Variants in ZSCAN5A observed in about 807,000 individuals in gnomAD.
ZSCAN5A encodes zinc finger and SCAN domain containing 5A, also known as zinc finger and SCAN domain-containing protein 5A.
Under a neutral mutation model 23.7 loss-of-function variants are expected in ZSCAN5A, and 12 were observed. The ratio of observed to expected loss-of-function variants is 0.51; its 90% CI spans 0.32 to 0.82. The LOEUF is 0.82. Ranked by LOEUF, ZSCAN5A falls within the 40% of genes least tolerant of loss-of-function variation. The probability of loss-of-function intolerance (pLI) is 0.03; values close to 1 mark genes in which losing one functional copy is unlikely to be tolerated. For missense variants in ZSCAN5A, 597 were observed against 617.9 expected (o/e 0.97, Z 0.36); for synonymous variants, 257 against 239.9 (o/e 1.07, Z -0.66).
chr19:56,226,528 C>A (rs1344205095), intron 2 of ZSCAN5A, among the ~76,000 whole-genome samples: 1 of 152,126 alleles, frequency 6.6e-6, no homozygotes, highest in Non-Finnish European at 1.5e-5. Context: ...ACCCCTCACG[C>A]CTGCTAGAGT....
chr19:56,271,071 G>A (rs115046224), intron 2 of ZSCAN5A, among the ~76,000 whole-genome samples: 89 of 152,372 alleles, frequency 5.8e-4, no homozygotes, highest in African/African-American at 2.0e-3. Context: ...GTTAGGGACT[G>A]TGATTATATT....
intron 2 of ZSCAN5A, among the ~76,000 whole-genome samples, chr19:56,327,829 G>T (rs2147432695): frequency 6.6e-6 from 1 of 152,002 alleles, no homozygotes; most frequent in East Asian, 1.9e-4. Context: ...TATTACATAT[G>T]CATAGTTGTG....
intron 2 of ZSCAN5A, among the ~76,000 whole-genome samples, chr19:56,301,707 G>C (rs1421633274): frequency 6.6e-6 from 1 of 152,114 alleles, no homozygotes; most frequent in Non-Finnish European, 1.5e-5. Flanking sequence ...TGAGAAATCT[G>C]GGCAAGACAG....
intron 2 of ZSCAN5A, among the ~76,000 whole-genome samples, chr19:56,256,661 G>C: frequency 6.6e-6 from 1 of 152,192 alleles, no homozygotes. Flanking sequence ...ACATGGGTGT[G>C]GCATGATTCA....
intron 2 of ZSCAN5A, among the ~76,000 whole-genome samples, chr19:56,253,032 G>A (rs766507259): frequency 1.4e-4 from 22 of 152,240 alleles, no homozygotes; most frequent in Non-Finnish European, 2.5e-4. Context: ...TCCCTGCAAA[G>A]TTGCCAGGAC....
At position 56,222,049 on chromosome 19, in the gene ZSCAN5A, C is replaced by G; in HGVS notation, c.1017G>C (p.Ala339=). The G allele has an allele frequency of 1.2e-6, 2 of 1,614,166 alleles. No homozygotes were observed. The highest frequency in any genetic ancestry group is 1.7e-6 in the Non-Finnish European group (2 of 1,180,036). Residue 339 remains alanine, a synonymous_variant, in exon 6 of 6, where the codon GCG becomes GCC. Transcript: ENST00000683990. The stretch of plus-strand genomic sequence containing the variant: ...GGCCATCCGGGTGACTGACTGGGCT[C>G]GCAGGGCCTGGGGAATGAATTGAAT... ...GMNSIHSPGP[A]SPVSHPDGQE...
At chr19:56,227,203 G>C (rs1321867902) in intron 2 of ZSCAN5A, among the ~76,000 whole-genome samples, 2 of 152,146 alleles carry the variant, frequency 1.3e-5, no homozygotes, top group Admixed American at 6.5e-5. Context: ...TAGTACATGA[G>C]GTAGGGCATA....
intron 2 of ZSCAN5A, among the ~76,000 whole-genome samples, chr19:56,270,272 G>C (rs1292050467): frequency 2.6e-5 from 4 of 152,090 alleles, no homozygotes; most frequent in African/African-American, 9.7e-5. Flanking sequence ...ACAAAAATTA[G>C]CCAGGTGTGG....
Position 56,243,996 on chromosome 19 carries a change from A to T in ZSCAN5A, c.-127-18823T>A, listed in dbSNP as rs117264390. On this transcript the variant is annotated intron_variant, in intron 2 of 5. Transcript: ENST00000683990. ...GATAGGTCTCAATTAGACACCAGCT[A>T]CTGGAAGAACTTTCTCAGAGACTGA... 1,562 of 691,516 alleles carry T rather than the reference A, an allele frequency of 2.3e-3. 7 individuals are homozygous for T. The highest frequency in any genetic ancestry group is 2.2e-3 in the Non-Finnish European group (865 of 394,778). 42.8% of individuals were successfully genotyped at this position (691,516 alleles called of 1,614,324 possible).
chr19:56,303,472 A>G (rs1196824218), intron 2 of ZSCAN5A, among the ~76,000 whole-genome samples: 1 of 151,634 alleles, frequency 6.6e-6, no homozygotes, highest in Non-Finnish European at 1.5e-5. Context: ...TGTCTCAAAA[A>G]ATTAAAGTAA....
Position 56,352,375 on chromosome 19 carries a change from G to A in ZSCAN5A, c.-358+10860C>T, listed in dbSNP as rs2041673072. On this transcript the variant is annotated intron_variant, in intron 2 of 6. Coordinates refer to the ZSCAN5A transcript ENST00000587340. This position sits in a 1 kb window ranked among gnomAD's most constrained non-coding sequence, Gnocchi z 4.2. ...ACAGAGAGAGACATGAGATCCCACA[G>A]AAGCTAAGGCAGATTTAAGTGATCA... Among the ~76,000 whole-genome samples, 1 of 152,222 alleles carries A rather than the reference G, an allele frequency of 6.6e-6. No individual in the cohort carries two copies. The highest frequency in any genetic ancestry group is 1.5e-5 in the Non-Finnish European group (1 of 68,044).
At chr19:56,325,871 T>C (rs1018016970) in intron 2 of ZSCAN5A, among the ~76,000 whole-genome samples, 25 of 152,188 alleles carry the variant, frequency 1.6e-4, no homozygotes, top group African/African-American at 5.3e-4. Flanking sequence ...GCTTTGAGTT[T>C]TGATTAACAA....
chr19:56,226,799 A>C, intron 2 of ZSCAN5A, among the ~76,000 whole-genome samples: 1 of 152,132 alleles, frequency 6.6e-6, no homozygotes, highest in East Asian at 1.9e-4. Flanking sequence ...TTGAAAAACT[A>C]CCTATTGGGT....
At chr19:56,264,038 T>G (rs1314594584) in intron 2 of ZSCAN5A, among the ~76,000 whole-genome samples, 1 of 151,702 alleles carries the variant, frequency 6.6e-6, no homozygotes, top group Non-Finnish European at 1.5e-5. Flanking sequence ...GGCATGATCT[T>G]GGCTCACTGC....
At chr19:56,326,410 C>A (rs1228931779) in intron 2 of ZSCAN5A, among the ~76,000 whole-genome samples, 1 of 151,600 alleles carries the variant, frequency 6.6e-6, no homozygotes, top group Non-Finnish European at 1.5e-5. Flanking sequence ...CCATGCTATA[C>A]ATTAGGTCTC....
chr19:56,230,379 C>T (rs894456251), intron 2 of ZSCAN5A, among the ~76,000 whole-genome samples: 4 of 152,170 alleles, frequency 2.6e-5, no homozygotes, highest in African/African-American at 7.2e-5. Context: ...CCACCATACC[C>T]GGCCCCAACA....
intron 2 of ZSCAN5A, among the ~76,000 whole-genome samples, chr19:56,242,344 CCA>C (rs1457179530): frequency 6.6e-6 from 1 of 152,214 alleles, no homozygotes; most frequent in Non-Finnish European, 1.5e-5. Context: ...TCTGAGGTGT[CCA>C]CAGAGGCACC....
At chr19:56,338,789 G>A (rs1568758836) in intron 2 of ZSCAN5A, 1 of 152,204 alleles carries the variant, frequency 6.6e-6, no homozygotes, top group Non-Finnish European at 1.5e-5. Context: ...GGTCCTGGCT[G>A]GCCTTGTAGC....
intron 2 of ZSCAN5A, among the ~76,000 whole-genome samples, chr19:56,329,076 T>C (rs1223335514): frequency 6.6e-6 from 1 of 151,630 alleles, no homozygotes; most frequent in Non-Finnish European, 1.5e-5. Flanking sequence ...TGGCTGGGCA[T>C]GGTGGCTCAT....
Sources: gnomAD v4.1 joint callset for allele counts (sites outside exome capture counted in the v4.1 genomes callset) on GRCh38, gnomAD v4.1.1 for gene constraint, Gnocchi (gnomAD v3.1) non-coding constraint, MANE v1.5 for transcripts, NCBI Gene and HGNC (gene_info 2026-07-23, HGNC 2026-07-21) for gene names.